Variants in KIAA1549 observed in about 807,000 individuals in gnomAD.
The protein encoded by KIAA1549 is UPF0606 protein KIAA1549.
In KIAA1549, 70 loss-of-function variants were observed where a neutral mutation model predicts 156.4. The observed-to-expected ratio is 0.45, with a 90% CI of 0.37 to 0.55. KIAA1549 has a LOEUF of 0.55. Among genes scored for constraint, KIAA1549 ranks in the 20% least tolerant of loss-of-function variants. The pLI, the probability that KIAA1549 is intolerant of heterozygous loss-of-function variation, is 0.00. For missense variants in KIAA1549, 2,428 were observed against 2,540.9 expected, an observed-to-expected ratio of 0.96 and a Z score of 0.96; for synonymous variants, 1,103 against 1,066.4, an observed-to-expected ratio of 1.03 and a Z score of -0.67.
At chr7:138,969,186 G>C (rs1182740013) in intron 1 of KIAA1549, among the ~76,000 whole-genome samples, 1 of 152,196 alleles carries the variant, frequency 6.6e-6, no homozygotes, top group African/African-American at 2.4e-5. Context: ...TAAGTGTACA[G>C]TTCCACAGTG....
chr7:138,922,452 C>T (rs536799910), intron 1 of KIAA1549, among the ~76,000 whole-genome samples: 6 of 152,008 alleles, frequency 3.9e-5, no homozygotes, highest in African/African-American at 1.2e-4. Flanking sequence ...AAAAGGCCAA[C>T]TAAATTGAAT....
chr7:138,946,870 C>T (rs556551657), intron 1 of KIAA1549, among the ~76,000 whole-genome samples: 21 of 152,310 alleles, frequency 1.4e-4, no homozygotes, highest in Middle Eastern at 3.4e-3. Flanking sequence ...CATTGCCCAG[C>T]GCCTCTGCAG....
At chr7:138,899,251 C>T (rs944755881) in intron 8 of KIAA1549, 119 bp from the exon 9 acceptor site, 8 of 893,672 alleles carry the variant, frequency 9.0e-6, no homozygotes, top group East Asian at 7.2e-5. Flanking sequence ...TAATAAGCTC[C>T]GTAAGCCATT....
chr7:138,931,699 C>T lies in KIAA1549; in HGVS notation c.188-12261G>A, dbSNP rs532701793. Among the ~76,000 whole-genome samples the T allele has an allele frequency of 1.5e-3, 218 of 148,066 alleles. 1 individual carries two copies. Among genetic ancestry groups the T allele is most frequent in the Non-Finnish European group, 2.2e-3 (152 of 67,602 alleles). ...CCCAGGAGGCAGAGGTTGCAGTAAG[C>T]CAAGATTGTACCACTGTACTCCAGC... On this transcript the variant is annotated intron_variant, in intron 1 of 19. Transcript: ENST00000422774.
chr7:138,832,470 A>C lies in KIAA1549; in HGVS notation c.*5436T>G, dbSNP rs1809565441. On this transcript the variant is annotated 3_prime_UTR_variant, in exon 20 of 20. Coordinates refer to ENST00000422774, the MANE Select transcript of KIAA1549 (RefSeq NM_001164665.2). The stretch of plus-strand genomic sequence containing the variant: ...TGCCTCAGCCTCCCAAAGCGTTGAG[A>C]TTAGAGGCTTGAGCCACCATGCCCA... 1 of 194,812 alleles carries C rather than the reference A, an allele frequency of 5.1e-6. No homozygotes were observed. The allele number at this position is 194,812 out of a possible 1,614,324, so 12.1% of individuals were successfully genotyped here. A position where few individuals can be genotyped will look rare whatever the true frequency, so the allele number is the denominator to read the frequency against.
intron 1 of KIAA1549, among the ~76,000 whole-genome samples, chr7:138,942,158 A>T (rs59450561): frequency 0.095 from 14,420 of 152,152 alleles, 957 homozygotes; most frequent in African/African-American, 0.18. Flanking sequence ...TTGAACCCGG[A>T]TCTATCCGCT....
rs1584725673 is a variant in KIAA1549 at position 138,879,704 on chromosome 7, G to A, written c.4230-51C>T. ...CATTAGAAACAAGAAAGAATGAAAA[G>A]GAAAAAGTCCCATTAATTTGTGTGT... is the stretch of plus-strand genomic sequence containing the variant. On this transcript the variant is annotated intron_variant, in intron 11 of 19. Transcript: ENST00000422774. 6.7e-6 allele frequency: 8 copies of A among 1,202,516 alleles called. No homozygotes were observed. In the Admixed American group the frequency reaches 9.7e-5, roughly 15 times the overall value. The allele number at this position is 1,202,516 out of a possible 1,614,324, so 74.5% of individuals were successfully genotyped here. A position where few individuals can be genotyped will look rare whatever the true frequency, so the allele number is the denominator to read the frequency against.
At chr7:138,881,759 A>T (rs1375188517) in intron 10 of KIAA1549, among the ~76,000 whole-genome samples, 175 bp from the exon 11 acceptor site, 1 of 152,220 alleles carries the variant, frequency 6.6e-6, no homozygotes, top group Non-Finnish European at 1.5e-5. Flanking sequence ...CCAGGAGAAG[A>T]CAGGCACTTG....
chr7:138,840,630 T>C (rs1201855941), intron 18 of KIAA1549, among the ~76,000 whole-genome samples: 1 of 152,188 alleles, frequency 6.6e-6, no homozygotes, highest in Non-Finnish European at 1.5e-5. Flanking sequence ...AGCCTAAGTC[T>C]GTCCCCCATT....
intron 1 of KIAA1549, among the ~76,000 whole-genome samples, chr7:138,947,298 G>C (rs1386910411): frequency 6.6e-6 from 1 of 152,182 alleles, no homozygotes; most frequent in Non-Finnish European, 1.5e-5. Context: ...TCTGGGAGAA[G>C]CACCTTCCGT....
At chr7:138,863,936 T>C (rs1269200466) in intron 15 of KIAA1549, among the ~76,000 whole-genome samples, 8 of 152,192 alleles carry the variant, frequency 5.3e-5, no homozygotes, top group African/African-American at 1.9e-4. Flanking sequence ...CCTGTGCTCC[T>C]TTCCTTGTGA....
At chr7:138,975,576 A>G (rs1378262454) in intron 1 of KIAA1549, among the ~76,000 whole-genome samples, 1 of 152,170 alleles carries the variant, frequency 6.6e-6, no homozygotes, top group African/African-American at 2.4e-5. Flanking sequence ...CGAGGAGGAA[A>G]CCCAGGACAA....
chr7:138,937,960 G>T (rs1345354730), intron 1 of KIAA1549, among the ~76,000 whole-genome samples: 4 of 152,122 alleles, frequency 2.6e-5, no homozygotes, highest in Admixed American at 6.5e-5. Flanking sequence ...GCAGTCAGGA[G>T]GGGCCACCTT....
chr7:138,918,787 G>A lies in KIAA1549; in HGVS notation c.839C>T (p.Thr280Ile), dbSNP rs766270447. ...TAAAGACCGGGAGCTTAAAAAAAGG[G>A]TGGTTTCCACACCCTCTGTTAGGGA... ...VASLTEGVET[T>I]LFLSSRSLMP... The change falls in exon 2 of 20, where the codon ACC (threonine) becomes ATC (isoleucine). Residue 280 changes from threonine to isoleucine, a missense_variant. Around this residue, in one of 5 missense-constraint regions of KIAA1549, gnomAD observed 893 missense variants for 847.9 expected, o/e 1.05. Coordinates refer to ENST00000422774, the MANE Select transcript of KIAA1549 (RefSeq NM_001164665.2). The surrounding 1 kb of genome is among the most constrained non-coding windows in gnomAD (Gnocchi z 4.2). The A allele has an allele frequency of 6.2e-7, 1 of 1,613,954 alleles. No individual in the cohort carries two copies.
At chr7:138,946,704 T>C (rs182207174) in intron 1 of KIAA1549, among the ~76,000 whole-genome samples, 2 of 152,086 alleles carry the variant, frequency 1.3e-5, no homozygotes, top group Non-Finnish European at 2.9e-5. Context: ...ACTTGAACTC[T>C]GGAGGCAGAA....
At chr7:138,976,020 C>T (rs1354804084) in intron 1 of KIAA1549, among the ~76,000 whole-genome samples, 1 of 152,188 alleles carries the variant, frequency 6.6e-6, no homozygotes, top group Non-Finnish European at 1.5e-5. Context: ...CCAACCCAAA[C>T]AAAACCAAGC....
chr7:138,868,052 G>A lies in KIAA1549; in HGVS notation c.4852C>T (p.Arg1618Trp), dbSNP rs769771844. Reference sequence around the variant, plus strand: ...CCATCGCTGTCTGTGGTGATGAGCCGGTCCTTCTCAGCGTCGGCAGGACAG... The same window carrying A: ...CCATCGCTGTCTGTGGTGATGAGCCAGTCCTTCTCAGCGTCGGCAGGACAG... ...NGCPADAEKDRLITTDSDGTY... is the reference protein window; with the variant it reads ...NGCPADAEKDWLITTDSDGTY... The change falls in exon 15 of 20, where the codon CGG becomes TGG. Residue 1618 changes from arginine to tryptophan, a missense_variant. By Grantham distance (101) the Arg-to-Trp change is moderately radical. Coordinates refer to ENST00000422774, the MANE Select transcript of KIAA1549 (RefSeq NM_001164665.2). 26 of 1,613,742 alleles carry A rather than the reference G, an allele frequency of 1.6e-5. No individual in the cohort carries two copies. Among genetic ancestry groups the A allele is most frequent in the African/African-American group, 2.7e-5 (2 of 74,932 alleles).
At chr7:138,933,056 C>T (rs913201858) in intron 1 of KIAA1549, among the ~76,000 whole-genome samples, 5 of 152,198 alleles carry the variant, frequency 3.3e-5, no homozygotes, top group African/African-American at 9.6e-5. Flanking sequence ...AGACCAGGCA[C>T]GTGCAGGCTG....
chr7:138,878,761 C>CAAAAAA (rs1020503492), intron 12 of KIAA1549, among the ~76,000 whole-genome samples: 2 of 133,094 alleles, frequency 1.5e-5, no homozygotes, highest in Non-Finnish European at 3.5e-5. Flanking sequence ...GACCCTGTCT[C>CAAAAAA]AAAAAAAAAT....
Sources: allele counts gnomAD v4.1 joint callset (sites outside exome capture counted in the v4.1 genomes callset), GRCh38; gene constraint gnomAD v4.1.1; regional missense constraint gnomAD v4.1.1; non-coding constraint Gnocchi (gnomAD v3.1); transcripts MANE v1.5; gene names NCBI Gene and HGNC (gene_info 2026-07-23, HGNC 2026-07-21).